FHOD3: variants seen among roughly 807,000 people sequenced by gnomAD.
FHOD3 encodes FH1/FH2 domain-containing protein 3.
FHOD3 carries 90 observed loss-of-function variants against 173.0 expected under a neutral mutation model. The observed-to-expected ratio is 0.52, with a 90% confidence interval of 0.44 to 0.62. FHOD3 has a LOEUF of 0.62. Among genes scored for constraint, FHOD3 ranks in the 20% least tolerant of loss-of-function variants. FHOD3 has a pLI of 0.00. For synonymous variants in FHOD3, 828 were observed against 823.0 expected (o/e 1.01, Z -0.10); for missense variants, 1,945 against 2,034.7 (o/e 0.96, Z 0.85).
chr18:36,557,934 G>A (rs1004983338), intron 5 of FHOD3, among the ~76,000 whole-genome samples: 3 of 152,216 alleles, frequency 2.0e-5, no homozygotes, highest in African/African-American at 7.2e-5. Context: ...TCTAGGGCTA[G>A]CTAGCCCCCA....
intron 9 of FHOD3, among the ~76,000 whole-genome samples, chr18:36,624,780 C>T (rs2033972684): frequency 6.6e-6 from 1 of 152,106 alleles, no homozygotes; most frequent in South Asian, 2.1e-4. Context: ...TATTTTTCTG[C>T]ACAAATATGC....
At chr18:36,364,346 C>A (rs958149036) in intron 2 of FHOD3, among the ~76,000 whole-genome samples, 6 of 152,186 alleles carry the variant, frequency 3.9e-5, no homozygotes, top group African/African-American at 1.2e-4. Flanking sequence ...TCCACTCTTA[C>A]CATCTCATCT....
At chr18:36,573,569 G>A (rs1249380298) in intron 5 of FHOD3, among the ~76,000 whole-genome samples, 2 of 152,182 alleles carry the variant, frequency 1.3e-5, no homozygotes, top group Non-Finnish European at 2.9e-5. Flanking sequence ...TGGCACCACT[G>A]CTCCAACGTG....
At chr18:36,549,833 C>A (rs2057570235) in intron 5 of FHOD3, among the ~76,000 whole-genome samples, 1 of 151,524 alleles carries the variant, frequency 6.6e-6, no homozygotes, top group Non-Finnish European at 1.5e-5. Flanking sequence ...CAGGCATGAA[C>A]CATCACGCCT....
At chr18:36,315,291 A>G (rs934335979) in intron 1 of FHOD3, among the ~76,000 whole-genome samples, 1 of 152,220 alleles carries the variant, frequency 6.6e-6, no homozygotes, top group African/African-American at 2.4e-5. Flanking sequence ...ACTAGTTTAC[A>G]TGGAGATGTT....
chr18:36,458,885 T>C (rs565241046), intron 3 of FHOD3, among the ~76,000 whole-genome samples: 2 of 152,260 alleles, frequency 1.3e-5, no homozygotes, highest in South Asian at 4.1e-4. Flanking sequence ...GCTGTGTAAT[T>C]ATTTCTGCAC....
intron 1 of FHOD3, among the ~76,000 whole-genome samples, chr18:36,334,163 C>T (rs1410450683): frequency 6.6e-6 from 1 of 152,210 alleles, no homozygotes; most frequent in Non-Finnish European, 1.5e-5. Context: ...AGTTTCTATC[C>T]ACTTTAAAGG....
intron 3 of FHOD3, among the ~76,000 whole-genome samples, chr18:36,454,214 G>GCA (rs137890720): frequency 0.14 from 20,680 of 150,454 alleles, 3,173 homozygotes; most frequent in African/African-American, 0.37. Context: ...TGGAGAGCTG[G>GCA]CACACACACA....
chr18:36,297,855 G>A lies in FHOD3; in HGVS notation c.20G>A (p.Arg7Gln), dbSNP rs1199324677. The A allele has an allele frequency of 1.3e-6, 2 of 1,533,300 alleles. No individual in the cohort carries two copies. Among genetic ancestry groups the A allele is most frequent in the African/African-American group, 1.4e-5 (1 of 70,290 alleles). The allele number at this position is 1,533,300 out of a possible 1,614,324, so 95.0% of individuals were successfully genotyped here. A position where few individuals can be genotyped will look rare whatever the true frequency, so the allele number is the denominator to read the frequency against. ...TGCATCATGGCCACGCTGGCTTGCC[G>A]GGTGCAGTTCTTGGACGACACGGAC... MATLAC[R>Q]VQFLDDTDPF... The change falls in exon 1 of 29, where the codon CGG (arginine) becomes CAG (glutamine). Residue 7 changes from arginine (R) to glutamine (Q), a missense_variant. Coordinates refer to ENST00000590592, the MANE Select transcript of FHOD3 (RefSeq NM_001281740.3).
chr18:36,660,612 G>A (rs1320372275), intron 14 of FHOD3, among the ~76,000 whole-genome samples: 1 of 152,206 alleles, frequency 6.6e-6, no homozygotes, highest in African/African-American at 2.4e-5. Flanking sequence ...AGGCTTGCAC[G>A]AGTGTATGGA....
At chr18:36,612,172 C>T (rs2032749394) in intron 9 of FHOD3, 77 bp downstream of exon 9, 2 of 1,502,238 alleles carry the variant, frequency 1.3e-6, no homozygotes, top group Non-Finnish European at 1.8e-6. Flanking sequence ...CTACTTTAGA[C>T]CACGCGTAAA....
chr18:36,715,189 T>A (rs1242059880), intron 18 of FHOD3, among the ~76,000 whole-genome samples: 2 of 152,198 alleles, frequency 1.3e-5, no homozygotes, highest in Non-Finnish European at 2.9e-5. Flanking sequence ...TCCCCACAGG[T>A]CATGGGAGGG....
chr18:36,692,217 T>C (rs926109085), intron 16 of FHOD3, among the ~76,000 whole-genome samples: 5 of 152,256 alleles, frequency 3.3e-5, no homozygotes, highest in African/African-American at 1.2e-4. Flanking sequence ...ATTTTAATTA[T>C]GTGCTCTGCC....
At chr18:36,538,056 A>G (rs557698862) in intron 5 of FHOD3, among the ~76,000 whole-genome samples, 1 of 152,366 alleles carries the variant, frequency 6.6e-6, no homozygotes, top group South Asian at 2.1e-4. Flanking sequence ...AAAGTCTCCA[A>G]TCATTTGGAA....
chr18:36,407,063 G>A (rs906361235), intron 3 of FHOD3, among the ~76,000 whole-genome samples: 1 of 152,200 alleles, frequency 6.6e-6, no homozygotes, highest in Non-Finnish European at 1.5e-5. Flanking sequence ...CTGATCAGTG[G>A]TAAAGATATG....
At chr18:36,594,666 T>G in intron 6 of FHOD3, 121 bp from the exon 7 acceptor site, 1 of 636,624 alleles carries the variant, frequency 1.6e-6, no homozygotes, top group Non-Finnish European at 2.8e-6. Flanking sequence ...TGAAGGAATC[T>G]GTGTAATTGC....
At chr18:36,412,998 C>T (rs1285066651) in intron 3 of FHOD3, among the ~76,000 whole-genome samples, 4 of 152,140 alleles carry the variant, frequency 2.6e-5, no homozygotes, top group Non-Finnish European at 5.9e-5. Context: ...AAACTTCATT[C>T]AACAAAAAGA....
intron 9 of FHOD3, among the ~76,000 whole-genome samples, chr18:36,624,699 G>A (rs2033966652): frequency 6.8e-6 from 1 of 146,056 alleles, no homozygotes; most frequent in Non-Finnish European, 1.5e-5. Flanking sequence ...AAGGCAAAGG[G>A]TAAGAAAGAG....
intron 3 of FHOD3, among the ~76,000 whole-genome samples, chr18:36,450,204 A>G (rs1231970335): frequency 1.3e-5 from 2 of 152,182 alleles, no homozygotes; most frequent in African/African-American, 4.8e-5. Flanking sequence ...TTCACTTAGA[A>G]TACTGAATTG....
Sources: allele counts gnomAD v4.1 joint callset (sites outside exome capture counted in the v4.1 genomes callset), GRCh38; gene constraint gnomAD v4.1.1; transcripts MANE v1.5; gene names NCBI Gene and HGNC (gene_info 2026-07-23, HGNC 2026-07-21).